BAZ1B: variants seen among roughly 807,000 people sequenced by gnomAD.
BAZ1B encodes the protein bromodomain adjacent to zinc finger domain 1B.
BAZ1B carries 22 observed loss-of-function variants against 153.8 expected under a neutral mutation model. The ratio of observed to expected loss-of-function variants is 0.14; its 90% CI spans 0.10 to 0.20. The LOEUF (loss-of-function observed/expected upper bound fraction) is 0.20, where lower values mean the gene tolerates loss of function less well. Ranked by LOEUF, BAZ1B falls within the 10% of genes least tolerant of loss-of-function variation. The probability of loss-of-function intolerance (pLI) is 1.00; values close to 1 mark genes in which losing one functional copy is unlikely to be tolerated. For synonymous variants in BAZ1B, 676 were observed against 633.4 expected, an observed-to-expected ratio of 1.07 and a Z score of -1.01; for missense variants, 1,325 against 1,799.3, an observed-to-expected ratio of 0.74 and a Z score of 4.77.
Position 73,469,688 on chromosome 7 carries a change from G to C in BAZ1B, c.2733-38C>G, listed in dbSNP as rs374257841. 11 of 1,609,432 alleles carry C rather than the reference G, an allele frequency of 6.8e-6. No homozygotes were observed. In the Admixed American group the frequency reaches 1.0e-4, roughly 15 times the overall value. ...ACCAGTATTAATAAGACAGTGAATAGATCAGGATTGCAGGATGATTTTACT... is the reference window on the plus strand; with the variant it reads ...ACCAGTATTAATAAGACAGTGAATACATCAGGATTGCAGGATGATTTTACT... On this transcript the variant is annotated intron_variant, in intron 8 of 19. Transcript: ENST00000339594.
intron 3 of BAZ1B, among the ~76,000 whole-genome samples, chr7:73,505,430 T>C (rs1035250609): frequency 5.3e-5 from 8 of 152,196 alleles, no homozygotes; most frequent in African/African-American, 1.7e-4. Flanking sequence ...TAAGACTTAC[T>C]ACATGAGATA....
chr7:73,462,811 A>T (rs782501645), intron 12 of BAZ1B, 111 bp downstream of exon 12: 6 of 1,223,434 alleles, frequency 4.9e-6, no homozygotes, highest in Admixed American at 1.9e-5. Flanking sequence ...AGACAAATCC[A>T]AACATCTGAT....
At chr7:73,498,013 G>A (rs563703680) in intron 4 of BAZ1B, among the ~76,000 whole-genome samples, 74 of 151,540 alleles carry the variant, frequency 4.9e-4, no homozygotes, top group Non-Finnish European at 9.3e-4. Flanking sequence ...AGACTAGAGT[G>A]CAATGGTGCG....
intron 13 of BAZ1B, among the ~76,000 whole-genome samples, chr7:73,458,979 T>C (rs1788296131): frequency 1.3e-5 from 2 of 152,150 alleles, no homozygotes. Context: ...CCAGGAGTGG[T>C]GGCTCACGCC....
At chr7:73,478,694 T>C (rs1789087103) in intron 6 of BAZ1B, 125 bp from the exon 7 acceptor site, 12 of 775,120 alleles carry the variant, frequency 1.5e-5, no homozygotes, top group Non-Finnish European at 2.2e-5. Flanking sequence ...TATCTCTTCA[T>C]AGATACTTTG....
chr7:73,484,292 A>AAGATAGAT (rs142355745), intron 6 of BAZ1B, among the ~76,000 whole-genome samples: 13,106 of 150,774 alleles, frequency 0.087, 686 homozygotes, highest in Non-Finnish European at 0.12. Context: ...CGGAGGGAGG[A>AAGATAGAT]AGATAGATAG....
At chr7:73,451,269 T>G (rs1554568122) in intron 13 of BAZ1B, among the ~76,000 whole-genome samples, 2 of 152,218 alleles carry the variant, frequency 1.3e-5, no homozygotes, top group African/African-American at 4.8e-5. Flanking sequence ...TAGGATCACC[T>G]GTATGCTGTA....
At chr7:73,457,553 G>A (rs1788251019) in intron 13 of BAZ1B, among the ~76,000 whole-genome samples, 1 of 152,142 alleles carries the variant, frequency 6.6e-6, no homozygotes, top group African/African-American at 2.4e-5. Context: ...CCAAGTGAGT[G>A]GATCAACAAA....
intron 2 of BAZ1B, among the ~76,000 whole-genome samples, chr7:73,509,148 CCT>C (rs1465805694): frequency 6.6e-6 from 1 of 151,926 alleles, no homozygotes; most frequent in Non-Finnish European, 1.5e-5. Context: ...ATGGCGAAAC[CCT>C]GTCTCTACTC....
Position 73,508,485 on chromosome 7 carries a change from ATTAG to A in BAZ1B, c.225-18_225-15del. The A allele has an allele frequency of 1.3e-6, 2 of 1,594,134 alleles. No individual in the cohort carries two copies. The highest frequency in any genetic ancestry group is 1.7e-6 in the Non-Finnish European group (2 of 1,170,068). On this transcript the variant is annotated splice_polypyrimidine_tract_variant and intron_variant, in intron 2 of 19. Coordinates refer to ENST00000339594, the MANE Select transcript of BAZ1B (RefSeq NM_032408.4). ...TCCTCCTTCAAACTAAATAAATGTA[ATTAG>A]TTATCAAGAAAACACAGAAACACCT...
At chr7:73,498,348 AT>A in intron 4 of BAZ1B, 148 bp downstream of exon 4, 1 of 744,186 alleles carries the variant, frequency 1.3e-6, no homozygotes. Context: ...TGTTGTGGAC[AT>A]TTTAGTTGTT....
intron 3 of BAZ1B, among the ~76,000 whole-genome samples, chr7:73,506,133 T>C (rs1209419372): frequency 2.6e-5 from 4 of 152,210 alleles, no homozygotes; most frequent in South Asian, 2.1e-4. Flanking sequence ...TACAAGATTA[T>C]ACAGGGATTG....
In BAZ1B at chr7:73,478,527, A is replaced by C; in HGVS notation, c.934T>G (p.Ser312Ala). 1 of 1,573,254 alleles carries C rather than the reference A, an allele frequency of 6.4e-7. No individual in the cohort carries two copies. The highest frequency in any genetic ancestry group is 8.6e-7 in the Non-Finnish European group (1 of 1,162,706). The stretch of plus-strand genomic sequence containing the variant: ...TTCTTTGAGGGCTTCCTGTCTGGGG[A>C]TCCAGTATTCTTCCTCTTAGTAGAA... ...NPSTKRKNTG[S>A]PDRKPSKKSK... The change falls in exon 7 of 20, where the codon TCC becomes GCC. Residue 312 changes from serine to alanine, a missense_variant. Ser to Ala is a moderately conservative substitution (Grantham distance 99). Coordinates refer to ENST00000339594, the MANE Select transcript of BAZ1B (RefSeq NM_032408.4).
At chr7:73,451,933 T>C (rs1180730560) in intron 13 of BAZ1B, among the ~76,000 whole-genome samples, 1 of 152,218 alleles carries the variant, frequency 6.6e-6, no homozygotes, top group Admixed American at 6.5e-5. Context: ...TCTTTAAAAG[T>C]GCTTGAGAAC....
chr7:73,484,151 A>G (rs1425132046), intron 6 of BAZ1B, among the ~76,000 whole-genome samples: 10 of 152,280 alleles, frequency 6.6e-5, no homozygotes, highest in African/African-American at 2.4e-4. Flanking sequence ...CTGTAGTCCC[A>G]GCTACTCGGG....
chr7:73,498,512 T>C lies in BAZ1B; in HGVS notation c.556A>G (p.Arg186Gly), dbSNP rs1554576658. 5 of 1,613,814 alleles carry C rather than the reference T, an allele frequency of 3.1e-6. No individual in the cohort carries two copies. Among genetic ancestry groups the C allele is most frequent in the Non-Finnish European group, 4.2e-6 (5 of 1,179,752 alleles). Residue 186 changes from arginine to glycine, a missense_variant, in exon 4 of 20, where the codon AGG (arginine) becomes GGG (glycine). Transcript: ENST00000339594. ...KETVVKEDEGRRESINDRARR... is the reference protein window; with the variant it reads ...KETVVKEDEGGRESINDRARR... Reference sequence around the variant, plus strand: ...TCAAACATACTAATACTCTCTCTCCTTCCTTCATCCTCTTTCACAACTGTC... The same window carrying C: ...TCAAACATACTAATACTCTCTCTCCCTCCTTCATCCTCTTTCACAACTGTC...
At chr7:73,452,192 ATAGG>A (rs1788045886) in intron 13 of BAZ1B, among the ~76,000 whole-genome samples, 3 of 152,164 alleles carry the variant, frequency 2.0e-5, no homozygotes, top group Non-Finnish European at 2.9e-5. Flanking sequence ...TCATACAATA[ATAGG>A]TAGCCCTTGT....
Position 73,477,427 on chromosome 7 carries a change from C to A in BAZ1B, c.2034G>T (p.Leu678=). The part of the protein sequence containing the change: ...AEDYGELGMK[L]SEIPLTLHSV... ...AATGCAGAGTCAAGGGGATTTCCGA[C>A]AGCTTCATTCCCAATTCACCATAGT... The change falls in exon 7 of 20, where the codon CTG becomes CTT. Residue 678 remains leucine (L), a synonymous_variant. Transcript: ENST00000339594. The surrounding 1 kb of genome is among the most constrained non-coding windows in gnomAD (Gnocchi z 5.6). The A allele has an allele frequency of 1.9e-6, 3 of 1,614,246 alleles. No homozygotes were observed. Among genetic ancestry groups the A allele is most frequent in the Non-Finnish European group, 1.7e-6 (2 of 1,180,044 alleles).
In BAZ1B at chr7:73,441,331, T is replaced by TA. The variant is rs1583877900; in HGVS notation, c.*377_*378insT. ...ACTTTTAATAACTAGAAAAGTCAAT[T>TA]TAAAAAAAAAATTAAACATTTAAAT... On this transcript the variant is annotated 3_prime_UTR_variant, in exon 20 of 20. Coordinates refer to ENST00000339594, the MANE Select transcript of BAZ1B (RefSeq NM_032408.4). 1.3e-5 allele frequency: 2 copies of TA among 152,480 alleles called. No individual in the cohort carries two copies. The highest frequency in any genetic ancestry group is 3.9e-4 in the East Asian group (2 of 5,180). The allele number at this position is 152,480 out of a possible 1,614,324, so 9.4% of individuals were successfully genotyped here. A position where few individuals can be genotyped will look rare whatever the true frequency, so the allele number is the denominator to read the frequency against.
Sources: allele counts gnomAD v4.1 joint callset (sites outside exome capture counted in the v4.1 genomes callset), GRCh38; gene constraint gnomAD v4.1.1; non-coding constraint Gnocchi (gnomAD v3.1); transcripts MANE v1.5; gene names NCBI Gene and HGNC (gene_info 2026-07-23, HGNC 2026-07-21).